Variants in NT5C3A observed in about 807,000 individuals in gnomAD.
NT5C3A encodes the protein 5'-nucleotidase, cytosolic IIIA.
In NT5C3A, 23 loss-of-function variants were observed where a neutral mutation model predicts 40.0. The observed-to-expected ratio is 0.58, with a 90% CI of 0.41 to 0.81. The LOEUF (loss-of-function observed/expected upper bound fraction) is 0.81, where lower values mean the gene tolerates loss of function less well. NT5C3A is among the 40% of genes least tolerant of loss of function. The pLI is 0.00. For missense variants in NT5C3A, 328 were observed against 403.0 expected, an observed-to-expected ratio of 0.81 and a Z score of 1.59; for synonymous variants, 130 against 141.4, an observed-to-expected ratio of 0.92 and a Z score of 0.57.
In NT5C3A at chr7:33,055,724, T is replaced by C. The variant is rs182352573; in HGVS notation, c.138+6844A>G. ...ATTAACACAAGCAACTGCCTGTTTT[T>C]TGGAATTGTCATTCCATTAGAAAAA... On this transcript the variant is annotated intron_variant, in intron 1 of 8. Coordinates refer to ENST00000610140, the MANE Select transcript of NT5C3A (RefSeq NM_001002010.5). Among the ~76,000 whole-genome samples the C allele has an allele frequency of 7.5e-4, 115 of 152,354 alleles. 1 individual carries two copies. The highest frequency in any genetic ancestry group is 8.8e-5 in the Non-Finnish European group (6 of 68,032).
chr7:33,041,566 T>C (rs901404395), intron 1 of NT5C3A, among the ~76,000 whole-genome samples: 3 of 152,128 alleles, frequency 2.0e-5, no homozygotes, highest in African/African-American at 7.2e-5. Flanking sequence ...CAAAAAACTG[T>C]TAATAGTCTT....
intron 1 of NT5C3A, among the ~76,000 whole-genome samples, chr7:33,032,843 T>G (rs1786358532): frequency 6.6e-6 from 1 of 152,192 alleles, no homozygotes; most frequent in Admixed American, 6.5e-5. Context: ...AGACTTGACC[T>G]CCTGGGCTCA....
intron 1 of NT5C3A, chr7:33,029,767 G>C (rs1195005462): frequency 8.7e-7 from 1 of 1,146,270 alleles, no homozygotes; most frequent in South Asian, 1.3e-5. Context: ...AGGTCTTGCT[G>C]TGTTTCCCAG....
intron 2 of NT5C3A, among the ~76,000 whole-genome samples, chr7:33,025,084 A>C (rs2127998203): frequency 6.6e-6 from 1 of 152,320 alleles, no homozygotes; most frequent in East Asian, 1.9e-4. Flanking sequence ...GGTTGCAGTG[A>C]GCTAAGATCA....
At chr7:33,041,551 G>A (rs1180258657) in intron 1 of NT5C3A, among the ~76,000 whole-genome samples, 1 of 152,132 alleles carries the variant, frequency 6.6e-6, no homozygotes, top group Admixed American at 6.5e-5. Flanking sequence ...ATATGCAAAT[G>A]TGGTCAAAAA....
intron 1 of NT5C3A, among the ~76,000 whole-genome samples, chr7:33,042,671 G>A (rs1172015785): frequency 2.0e-5 from 3 of 152,210 alleles, no homozygotes; most frequent in Non-Finnish European, 4.4e-5. Flanking sequence ...ATATTGAAAT[G>A]ATAGTTCTAC....
rs569446287 is a variant in NT5C3A at position 33,057,337 on chromosome 7, T to C, written c.138+5231A>G. Among the ~76,000 whole-genome samples the C allele has an allele frequency of 8.5e-5, 13 of 152,124 alleles. 1 individual carries two copies. The highest frequency in any genetic ancestry group is 2.4e-4 in the African/African-American group (10 of 41,504). ...AGCAATCTGAGAACAGCCTGGGCAA[T>C]GTGGCAAAACCCCCATCTCTACAAA... On this transcript the variant is annotated intron_variant, in intron 1 of 8. Transcript: ENST00000610140.
intron 4 of NT5C3A, 167 bp downstream of exon 4, chr7:33,021,886 T>C: frequency 1.7e-6 from 1 of 590,316 alleles, no homozygotes; most frequent in South Asian, 2.1e-5. Flanking sequence ...GTTTTGAATG[T>C]GTAATTCATA....
chr7:33,061,849 T>C (rs1022779347), intron 1 of NT5C3A, among the ~76,000 whole-genome samples: 2 of 152,152 alleles, frequency 1.3e-5, no homozygotes, highest in Non-Finnish European at 2.9e-5. Context: ...AAACTAAATA[T>C]CCTCATTTTT....
At chr7:33,048,184 G>C (rs1264384716) in intron 1 of NT5C3A, among the ~76,000 whole-genome samples, 1 of 151,806 alleles carries the variant, frequency 6.6e-6, no homozygotes, top group Admixed American at 6.6e-5. Flanking sequence ...ATTTGTGTGT[G>C]TGTGTGTGTG....
At chr7:33,060,677 A>G (rs754081080) in intron 1 of NT5C3A, among the ~76,000 whole-genome samples, 1 of 152,200 alleles carries the variant, frequency 6.6e-6, no homozygotes, top group Non-Finnish European at 1.5e-5. Context: ...GCTGTGACCA[A>G]TATGAGCTAT....
chr7:33,034,253 A>G (rs1175466054), intron 1 of NT5C3A, among the ~76,000 whole-genome samples: 1 of 152,172 alleles, frequency 6.6e-6, no homozygotes, highest in East Asian at 1.9e-4. Context: ...TAATGCAATA[A>G]TAGTTAAAAA....
intron 1 of NT5C3A, among the ~76,000 whole-genome samples, chr7:33,039,077 T>C (rs1786766072): frequency 1.3e-5 from 2 of 152,310 alleles, no homozygotes; most frequent in Middle Eastern, 6.8e-3. Flanking sequence ...AAGGAATATG[T>C]AGGACAAGTC....
intron 6 of NT5C3A, among the ~76,000 whole-genome samples, chr7:33,019,172 T>C (rs1447129100): frequency 6.6e-6 from 1 of 151,970 alleles, no homozygotes; most frequent in African/African-American, 2.4e-5. Context: ...AGGGGATCGC[T>C]TGAGCCCAGG....
chr7:33,016,469 G>C (rs1194757983), intron 7 of NT5C3A, among the ~76,000 whole-genome samples: 1 of 151,104 alleles, frequency 6.6e-6, no homozygotes, highest in Admixed American at 6.6e-5. Flanking sequence ...CAAGAGATCA[G>C]ACCATCCTGA....
At chr7:33,030,343 C>T (rs1293125879) in intron 1 of NT5C3A, among the ~76,000 whole-genome samples, 1 of 152,158 alleles carries the variant, frequency 6.6e-6, no homozygotes, top group Non-Finnish European at 1.5e-5. Flanking sequence ...TTGTTACCTC[C>T]ACAAAGTCCT....
chr7:33,022,137 C>T (rs1472403942), intron 3 of NT5C3A, 38 bp from the exon 4 acceptor site: 18 of 1,091,094 alleles, frequency 1.6e-5, no homozygotes, highest in Non-Finnish European at 2.5e-5. Flanking sequence ...AAAAGAAATA[C>T]TCTGATTTAT....
intron 1 of NT5C3A, among the ~76,000 whole-genome samples, chr7:33,027,848 T>C (rs1245377460): frequency 6.6e-5 from 10 of 152,192 alleles, no homozygotes; most frequent in Non-Finnish European, 1.5e-4. Flanking sequence ...AACATGCATA[T>C]ATACGCATAT....
Position 33,026,831 on chromosome 7 carries a change from C to G in NT5C3A, c.223G>C (p.Ala75Pro). Residue 75 changes from alanine to proline, a missense_variant, in exon 2 of 9, where the codon GCT (alanine) becomes CCT (proline). Physicochemically the swap from Ala to Pro is conservative, Grantham distance 27 (BLOSUM62 -1). Around this residue, in one of 3 missense-constraint regions of NT5C3A, gnomAD observed 280 missense variants for 317.2 expected, o/e 0.88. Transcript: ENST00000610140. Reference sequence around the variant, plus strand: ...TAATTATTCACCTGAAGTTTGGCAGCTCCTCCTTTGATAAGACCACAGATA... The same window carrying G: ...TAATTATTCACCTGAAGTTTGGCAGGTCCTCCTTTGATAAGACCACAGATA... ...EIICGLIKGG[A>P]AKLQIITDFD... 2.5e-6 allele frequency: 4 copies of G among 1,609,684 alleles called. No individual in the cohort carries two copies. The highest frequency in any genetic ancestry group is 3.4e-6 in the Non-Finnish European group (4 of 1,177,758).
Sources: gnomAD v4.1 joint callset for allele counts (sites outside exome capture counted in the v4.1 genomes callset) on GRCh38, gnomAD v4.1.1 for gene constraint, gnomAD v4.1.1 regional missense constraint, MANE v1.5 for transcripts, NCBI Gene and HGNC (gene_info 2026-07-23, HGNC 2026-07-21) for gene names.